The following HIP1 variants were observed in gnomAD, a reference collection of about 807,000 sequenced individuals.
The protein encoded by HIP1 is huntingtin-interacting protein 1.
HIP1 carries 65 observed loss-of-function variants against 147.6 expected under a neutral mutation model. That is an observed-to-expected ratio of 0.44 (90% CI 0.36 to 0.54). The LOEUF (loss-of-function observed/expected upper bound fraction) is 0.54, where lower values mean the gene tolerates loss of function less well. HIP1 is among the 20% of genes least tolerant of loss of function. HIP1 has a pLI of 0.00. For synonymous variants in HIP1, 479 were observed against 504.0 expected (o/e 0.95, Z 0.67); for missense variants, 1,061 against 1,299.6 (o/e 0.82, Z 2.82).
In HIP1 at chr7:75,546,393, A is replaced by G. The variant is rs149634013; in HGVS notation, c.2559+546T>C. ...CTGCTTGCTTTATGGCACCGTTCTC[A>G]GGCTCATTAACCCCTCCCCTGGACT... is the stretch of plus-strand genomic sequence containing the variant. On this transcript the variant is annotated intron_variant, in intron 25 of 30. Coordinates refer to ENST00000336926, the MANE Select transcript of HIP1 (RefSeq NM_005338.7). Among the ~76,000 whole-genome samples the G allele has an allele frequency of 3.9e-3, 590 of 152,316 alleles. 5 individuals are homozygous for G. The highest frequency in any genetic ancestry group is 0.013 in the African/African-American group (561 of 41,580).
intron 22 of HIP1, among the ~76,000 whole-genome samples, chr7:75,549,607 T>G (rs887749727): frequency 3.3e-5 from 5 of 151,772 alleles, no homozygotes; most frequent in Non-Finnish European, 5.9e-5. Flanking sequence ...TGACCTCAGG[T>G]AATCCTCCTG....
intron 2 of HIP1, among the ~76,000 whole-genome samples, chr7:75,597,739 C>CA (rs782340180): frequency 6.6e-5 from 5 of 75,444 alleles, no homozygotes; most frequent in Non-Finnish European, 9.3e-5. Context: ...GACTCTGTCT[C>CA]AAAAAAAAAA....
In HIP1 at chr7:75,597,833, C is replaced by A. The variant is rs587648440; in HGVS notation, c.184+1351G>T. ...GAGAGTTAAAAGCTTAGCCACCCCC[C>A]TGGCAGACTCTCTCCTTCAGCCTTT... is the stretch of plus-strand genomic sequence containing the variant. On this transcript the variant is annotated intron_variant, in intron 2 of 30. Transcript: ENST00000336926. Among the ~76,000 whole-genome samples, 52 of 152,116 alleles carry A rather than the reference C, an allele frequency of 3.4e-4. 1 individual carries two copies. Among genetic ancestry groups the A allele is most frequent in the Admixed American group, 3.0e-3 (46 of 15,278 alleles).
intron 1 of HIP1, among the ~76,000 whole-genome samples, chr7:75,613,282 G>C (rs2071597792): frequency 6.6e-6 from 1 of 152,106 alleles, no homozygotes; most frequent in African/African-American, 2.4e-5. Flanking sequence ...AGAGTAGAGG[G>C]ACAGGTGAGG....
At chr7:75,548,845 C>G in intron 23 of HIP1, 46 bp downstream of exon 23, 1 of 1,334,734 alleles carries the variant, frequency 7.5e-7, no homozygotes, top group Non-Finnish European at 1.1e-6. Flanking sequence ...TGCAGAAGGG[C>G]AGCTGCAAAG....
intron 1 of HIP1, among the ~76,000 whole-genome samples, chr7:75,659,813 T>A (rs1047461837): frequency 6.6e-6 from 1 of 152,018 alleles, no homozygotes; most frequent in Non-Finnish European, 1.5e-5. Context: ...CACTTTTAAG[T>A]GCTCCAAGGG....
At chr7:75,581,197 C>T (rs782639271) in intron 7 of HIP1, 40 bp downstream of exon 7, 4 of 1,497,392 alleles carry the variant, frequency 2.7e-6, no homozygotes, top group Non-Finnish European at 1.9e-6. Context: ...TTAGGTAGTT[C>T]CCATGAGAGC....
chr7:75,547,934 A>T (rs1794632802), intron 23 of HIP1, 121 bp from the exon 24 acceptor site: 5 of 847,712 alleles, frequency 5.9e-6, no homozygotes, highest in Non-Finnish European at 1.0e-5. Context: ...GAAGTCCCCA[A>T]GTCCCTGCCC....
chr7:75,639,583 G>GTA (rs1554510174), intron 1 of HIP1, among the ~76,000 whole-genome samples: 13 of 150,896 alleles, frequency 8.6e-5, no homozygotes, highest in African/African-American at 3.2e-4. Flanking sequence ...GTGTGTGTGT[G>GTA]TGTGTGTGTG....
intron 1 of HIP1, among the ~76,000 whole-genome samples, chr7:75,674,244 T>C (rs1000520206): frequency 1.2e-4 from 19 of 152,312 alleles, no homozygotes; most frequent in Non-Finnish European, 2.5e-4. Flanking sequence ...ATCTTGAATA[T>C]AAGTGGTAAG....
At chr7:75,543,104 T>G (rs779684382) in intron 27 of HIP1, 130 bp from the exon 28 acceptor site, 3 of 905,170 alleles carry the variant, frequency 3.3e-6, no homozygotes, top group Non-Finnish European at 4.9e-6. Flanking sequence ...CTTCTCAAAA[T>G]CTGCTGACTA....
At chr7:75,634,893 T>C (rs1187740545) in intron 1 of HIP1, among the ~76,000 whole-genome samples, 2 of 139,466 alleles carry the variant, frequency 1.4e-5, no homozygotes, top group Non-Finnish European at 3.0e-5. Context: ...TCAGCTACAA[T>C]TGTGCCACTG....
chr7:75,552,606 C>T (rs1271950290), intron 22 of HIP1, among the ~76,000 whole-genome samples: 1 of 151,906 alleles, frequency 6.6e-6, no homozygotes, highest in Non-Finnish European at 1.5e-5. Context: ...ATCCTCCTGC[C>T]TCGGCCTCCC....
chr7:75,642,550 A>C (rs1257834387), intron 1 of HIP1, among the ~76,000 whole-genome samples: 3 of 151,946 alleles, frequency 2.0e-5, no homozygotes, highest in African/African-American at 7.3e-5. Flanking sequence ...AAAACAAAAC[A>C]AAACCCTTCT....
intron 4 of HIP1, among the ~76,000 whole-genome samples, chr7:75,588,665 T>G (rs2116954284): frequency 6.6e-6 from 1 of 152,040 alleles, no homozygotes; most frequent in East Asian, 1.9e-4. Flanking sequence ...TCCCAGCTAC[T>G]TGGAAGGCTG....
chr7:75,676,441 G>C (rs74302334), intron 1 of HIP1, among the ~76,000 whole-genome samples: 17,825 of 152,110 alleles, frequency 0.12, 1,095 homozygotes, highest in African/African-American at 0.15. Flanking sequence ...GCCAACACAC[G>C]CACATGGCCA....
intron 1 of HIP1, among the ~76,000 whole-genome samples, chr7:75,633,647 A>C (rs1365939282): frequency 6.6e-6 from 1 of 152,118 alleles, no homozygotes; most frequent in Non-Finnish European, 1.5e-5. Flanking sequence ...TTTGTGGCCC[A>C]GGGCTGAAAA....
intron 14 of HIP1, among the ~76,000 whole-genome samples, chr7:75,558,530 T>C (rs1342693839): frequency 6.6e-6 from 1 of 152,200 alleles, no homozygotes; most frequent in Non-Finnish European, 1.5e-5. Context: ...GGTCTCACTA[T>C]GTTTTCCAGG....
chr7:75,664,158 G>A (rs368749461), intron 1 of HIP1, among the ~76,000 whole-genome samples: 5 of 39,110 alleles, frequency 1.3e-4, no homozygotes. Flanking sequence ...ATGTATGTGT[G>A]TATATTTACA....
Sources: allele counts gnomAD v4.1 joint callset (sites outside exome capture counted in the v4.1 genomes callset), GRCh38; gene constraint gnomAD v4.1.1; transcripts MANE v1.5; gene names NCBI Gene and HGNC (gene_info 2026-07-23, HGNC 2026-07-21).